Variants in SHANK1 observed in about 807,000 individuals in gnomAD.
The protein encoded by SHANK1 is SH3 and multiple ankyrin repeat domains protein 1.
In SHANK1, 35 loss-of-function variants were observed where a neutral mutation model predicts 165.6. The ratio of observed to expected loss-of-function variants is 0.21; its 90% CI spans 0.16 to 0.28. SHANK1 has a LOEUF of 0.28. Among genes scored for constraint, SHANK1 ranks in the 10% least tolerant of loss-of-function variants. The probability of loss-of-function intolerance (pLI) is 1.00; values close to 1 mark genes in which losing one functional copy is unlikely to be tolerated. For synonymous variants in SHANK1, 1,428 were observed against 1,384.8 expected, an observed-to-expected ratio of 1.03 and a Z score of -0.69; for missense variants, 2,681 against 3,036.4, an observed-to-expected ratio of 0.88 and a Z score of 2.75.
At chr19:50,679,074 G>A (rs1310795536) in intron 21 of SHANK1, among the ~76,000 whole-genome samples, 1 of 89,506 alleles carries the variant, frequency 1.1e-5, no homozygotes, top group Admixed American at 9.9e-5. Flanking sequence ...AAGATGATGG[G>A]GAGGGGTCAG....
chr19:50,672,665 T>A (rs1444277337), intron 21 of SHANK1, among the ~76,000 whole-genome samples: 1 of 151,804 alleles, frequency 6.6e-6, no homozygotes, highest in Non-Finnish European at 1.5e-5. Flanking sequence ...GAAAGCAGAT[T>A]TTCCATCGAC....
At position 50,668,668 on chromosome 19, in the gene SHANK1, C is replaced by G; in HGVS notation, c.3292G>C (p.Val1098Leu). Residue 1098 changes from valine to leucine, a missense_variant, in exon 23 of 24, where the codon GTG becomes CTG. Val to Leu is a conservative substitution (Grantham distance 32, BLOSUM62 1). Around this residue, in one of 10 missense-constraint regions of SHANK1, gnomAD observed 1,713 missense variants for 1,630.2 expected, o/e 1.05. Coordinates refer to ENST00000293441, the MANE Select transcript of SHANK1 (RefSeq NM_016148.5). ...CGGCCGCGGCCCGAGCGGGCGGGCACGTACATGGCTGCGCTGGCCGCCCGC... is the reference window on the plus strand; with the variant it reads ...CGGCCGCGGCCCGAGCGGGCGGGCAGGTACATGGCTGCGCTGGCCGCCCGC... The part of the protein sequence containing the change: ...PPRAASAAMY[V>L]PARSGRGRKG... The G allele has an allele frequency of 3.0e-6, 4 of 1,346,274 alleles. No homozygotes were observed. Among genetic ancestry groups the G allele is most frequent in the Non-Finnish European group, 3.8e-6 (4 of 1,051,304 alleles). 83.4% of individuals were successfully genotyped at this position (1,346,274 alleles called of 1,614,324 possible).
At position 50,717,407 on chromosome 19, in the gene SHANK1, G is replaced by C. The variant is rs561341528; in HGVS notation, c.-43-445C>G. Among the ~76,000 whole-genome samples the C allele has an allele frequency of 2.6e-5, 4 of 152,300 alleles. No individual in the cohort carries two copies. The highest frequency in any genetic ancestry group is 1.9e-4 in the East Asian group (1 of 5,168). The stretch of plus-strand genomic sequence containing the variant: ...CAGCCTGGCCCCTCATCCCAGGGCC[G>C]GGGGGTGGGGTTGGGGAGAAGCTGA... On this transcript the variant is annotated intron_variant, in intron 1 of 23. Coordinates refer to ENST00000293441, the MANE Select transcript of SHANK1 (RefSeq NM_016148.5). The surrounding 1 kb of genome is among the most constrained non-coding windows in gnomAD (Gnocchi z 5.5).
chr19:50,672,072 G>T lies in SHANK1; in HGVS notation c.2620C>A (p.Arg874Ser), dbSNP rs1188839671. 1 of 1,613,896 alleles carries T rather than the reference G, an allele frequency of 6.2e-7. No individual in the cohort carries two copies. The highest frequency in any genetic ancestry group is 1.3e-5 in the African/African-American group (1 of 74,912). ...PHHRAQPSYE[R>S]PSFLPPGPGL... ...GGTCCTGGAGGCAGGAAAGAAGGACGCTCGTAACTTGGCTGGGCACGGTGG... is the reference window on the plus strand; with the variant it reads ...GGTCCTGGAGGCAGGAAAGAAGGACTCTCGTAACTTGGCTGGGCACGGTGG... Residue 874 changes from arginine (R) to serine (S), a missense_variant, in exon 22 of 24, where the codon CGT becomes AGT. This residue lies in a region of SHANK1 where 206 missense variants were observed against 216.0 expected (regional missense o/e 0.95). Coordinates refer to ENST00000293441, the MANE Select transcript of SHANK1 (RefSeq NM_016148.5).
At chr19:50,691,360 C>A (rs972512755) in intron 15 of SHANK1, among the ~76,000 whole-genome samples, 3 of 152,134 alleles carry the variant, frequency 2.0e-5, no homozygotes, top group African/African-American at 7.2e-5. Context: ...CCAAGGCCCC[C>A]CAGCAGCCAG....
In SHANK1 at chr19:50,697,960, G is replaced by T. The variant is rs765460615; in HGVS notation, c.1748-4C>A. On this transcript the variant is annotated splice_polypyrimidine_tract_variant and splice_region_variant and intron_variant, in intron 12 of 23. Coordinates refer to ENST00000293441, the MANE Select transcript of SHANK1 (RefSeq NM_016148.5). The surrounding 1 kb of genome is among the most constrained non-coding windows in gnomAD (Gnocchi z 4.7). Reference sequence around the variant, plus strand: ...CCTCCTTCCCCGATGCTAAGTACTGGATGGGGAACGGGGACATAGAGACAT... The same window carrying T: ...CCTCCTTCCCCGATGCTAAGTACTGTATGGGGAACGGGGACATAGAGACAT... 1.3e-6 allele frequency: 2 copies of T among 1,597,942 alleles called. No homozygotes were observed. Among genetic ancestry groups the T allele is most frequent in the Non-Finnish European group, 1.7e-6 (2 of 1,165,870 alleles).
At chr19:50,687,804 G>T in intron 18 of SHANK1, 119 bp downstream of exon 18, 5 of 1,419,720 alleles carry the variant, frequency 3.5e-6, no homozygotes, top group Admixed American at 4.2e-5. Flanking sequence ...CCCCACAAGG[G>T]TCACGGAGAA....
chr19:50,677,874 C>A (rs1318741800), intron 21 of SHANK1, among the ~76,000 whole-genome samples: 2 of 152,230 alleles, frequency 1.3e-5, no homozygotes, highest in Non-Finnish European at 2.9e-5. Context: ...TCCTTCTCCA[C>A]TTTGCTGAAT....
intron 15 of SHANK1, among the ~76,000 whole-genome samples, chr19:50,691,530 C>G (rs1165576081): frequency 2.6e-5 from 4 of 152,160 alleles, no homozygotes; most frequent in Non-Finnish European, 5.9e-5. Context: ...CCAATATAGT[C>G]AATAAAACTC....
intron 15 of SHANK1, among the ~76,000 whole-genome samples, chr19:50,694,019 C>CCACACACACACACACACACA (rs398034977): frequency 2.2e-5 from 3 of 138,682 alleles, no homozygotes; most frequent in Admixed American, 2.1e-4. Context: ...CCAGCACACA[C>CCACACACACACACACACACA]CACACACACA....
rs2089116467 is a variant in SHANK1, at chr19:50,719,754, T to C, written c.-392A>G. 6.8e-6 allele frequency among the ~76,000 whole-genome samples: 1 copy of C among 147,318 alleles called. No homozygotes were observed. The highest frequency in any genetic ancestry group is 1.5e-5 in the Non-Finnish European group (1 of 66,564). Reference sequence around the variant, plus strand: ...TCGGGCCGCCGCCGCCGCCGCCCGCTCCGCGCCTCCTCTGCCACCCTTCTC... The same window carrying C: ...TCGGGCCGCCGCCGCCGCCGCCCGCCCCGCGCCTCCTCTGCCACCCTTCTC... On this transcript the variant is annotated 5_prime_UTR_variant, in exon 1 of 24. Coordinates refer to ENST00000293441, the MANE Select transcript of SHANK1 (RefSeq NM_016148.5).
rs1172786362 is a variant in SHANK1, at chr19:50,717,167, G to A, written c.-43-205C>T. ...ACGCACACACCCCTGTCCCTGACAT[G>A]CTTCTGGCATGTGTCTCCTTCCCTG... is the stretch of plus-strand genomic sequence containing the variant. On this transcript the variant is annotated intron_variant, in intron 1 of 23. Coordinates refer to ENST00000293441, the MANE Select transcript of SHANK1 (RefSeq NM_016148.5). The surrounding 1 kb of genome is among the most constrained non-coding windows in gnomAD (Gnocchi z 5.5). Among the ~76,000 whole-genome samples the A allele has an allele frequency of 6.6e-6, 1 of 152,200 alleles. No individual in the cohort carries two copies. Among genetic ancestry groups the A allele is most frequent in the Non-Finnish European group, 1.5e-5 (1 of 68,028 alleles).
chr19:50,703,517 C>A lies in SHANK1; in HGVS notation c.1536G>T (p.Gln512His), dbSNP rs2088895894. ...TCCCCTACCTGGGCCGGCCTCGGGG[C>A]TGCCTCTTGGCGTCCTCAGGGTGCC... ...RGRHPEDAKR[Q>H]PRGRPSSSGT... The change falls in exon 11 of 24, where the codon CAG (glutamine) becomes CAT (histidine). Residue 512 changes from glutamine (Q) to histidine (H), a missense_variant. Around this residue, in one of 10 missense-constraint regions of SHANK1, gnomAD observed 195 missense variants for 186.2 expected, o/e 1.05. Coordinates refer to ENST00000293441, the MANE Select transcript of SHANK1 (RefSeq NM_016148.5). 1 of 1,542,852 alleles carries A rather than the reference C, an allele frequency of 6.5e-7. No homozygotes were observed. The highest frequency in any genetic ancestry group is 8.7e-7 in the Non-Finnish European group (1 of 1,150,152).
chr19:50,702,407 A>G lies in SHANK1; in HGVS notation c.1747+60T>C. 1.4e-6 allele frequency: 2 copies of G among 1,477,660 alleles called. No individual in the cohort carries two copies. Among genetic ancestry groups the G allele is most frequent in the Non-Finnish European group, 1.8e-6 (2 of 1,091,820 alleles). The allele number at this position is 1,477,660 out of a possible 1,614,324, so 91.5% of individuals were successfully genotyped here. ...GAGAATGGTCTGCTCTCTGCTCCAC[A>G]TTTTCCCTGATCGCCCCCACAGCCC... On this transcript the variant is annotated intron_variant, in intron 12 of 23. Transcript: ENST00000293441. The surrounding 1 kb of genome is among the most constrained non-coding windows in gnomAD (Gnocchi z 5.3).
In SHANK1 at chr19:50,668,150, G is replaced by A. The variant is rs773751520; in HGVS notation, c.3810C>T (p.Gly1270=). 2.7e-6 allele frequency: 4 copies of A among 1,456,626 alleles called. No individual in the cohort carries two copies. The highest frequency in any genetic ancestry group is 3.6e-6 in the Non-Finnish European group (4 of 1,112,660). 90.2% of individuals were successfully genotyped at this position (1,456,626 alleles called of 1,614,324 possible). The change falls in exon 23 of 24, where the codon GGC becomes GGT. Residue 1270 remains glycine (G), a synonymous_variant. Coordinates refer to ENST00000293441, the MANE Select transcript of SHANK1 (RefSeq NM_016148.5). ...TDAGDEDGGD[G]GLGTGAAPGP... is the part of the protein sequence containing the mutation. ...CCGGGGCCGCCCCTGTGCCCAGCCC[G>A]CCGTCCCCGCCGTCCTCGTCCCCCG...
intron 15 of SHANK1, among the ~76,000 whole-genome samples, chr19:50,695,485 G>A (rs1255856250): frequency 6.7e-6 from 1 of 150,282 alleles, no homozygotes; most frequent in Non-Finnish European, 1.5e-5. Context: ...TTGGAGGGGG[G>A]AGGAGAAGGG....
intron 15 of SHANK1, among the ~76,000 whole-genome samples, chr19:50,694,446 G>A (rs1986656832): frequency 1.3e-5 from 2 of 150,682 alleles, no homozygotes; most frequent in Admixed American, 1.3e-4. Context: ...CTGGGATGTA[G>A]GCGGATGCGG....
chr19:50,671,121 C>T (rs1238639697), intron 22 of SHANK1, among the ~76,000 whole-genome samples: 1 of 150,092 alleles, frequency 6.7e-6, no homozygotes, highest in East Asian at 2.0e-4. Flanking sequence ...AAACCTGCAC[C>T]CTGCCCCCTA....
chr19:50,712,698 C>T (rs1367839898), intron 6 of SHANK1, among the ~76,000 whole-genome samples: 1 of 152,188 alleles, frequency 6.6e-6, no homozygotes, highest in Non-Finnish European at 1.5e-5. Context: ...AGGAGAAAGT[C>T]TTGGCAGCAA....
Sources: allele counts gnomAD v4.1 joint callset (sites outside exome capture counted in the v4.1 genomes callset), GRCh38; gene constraint gnomAD v4.1.1; regional missense constraint gnomAD v4.1.1; non-coding constraint Gnocchi (gnomAD v3.1); transcripts MANE v1.5; gene names NCBI Gene and HGNC (gene_info 2026-07-23, HGNC 2026-07-21).